SGTA: variants seen among roughly 807,000 people sequenced by gnomAD.
SGTA encodes small glutamine-rich tetratricopeptide repeat-containing protein alpha.
A neutral mutation model predicts 44.3 loss-of-function variants in SGTA; 22 were observed. The ratio of observed to expected loss-of-function variants is 0.50; its 90% CI spans 0.36 to 0.71. The LOEUF is 0.71. SGTA is among the 30% of genes least tolerant of loss of function. The probability of loss-of-function intolerance (pLI) is 0.00; values close to 1 mark genes in which losing one functional copy is unlikely to be tolerated. For synonymous variants in SGTA, 174 were observed against 177.6 expected, an observed-to-expected ratio of 0.98 and a Z score of 0.16; for missense variants, 341 against 435.9, an observed-to-expected ratio of 0.78 and a Z score of 1.94.
chr19:2,760,517 CA>C (rs58836148), intron 8 of SGTA, among the ~76,000 whole-genome samples: 4,115 of 51,602 alleles, frequency 0.08, 36 homozygotes, highest in African/African-American at 0.12. Context: ...GACTCCATCT[CA>C]AAAAAAAAAA....
At chr19:2,762,686 G>A in intron 6 of SGTA, 42 bp from the exon 7 acceptor site, 1 of 1,607,338 alleles carries the variant, frequency 6.2e-7, no homozygotes, top group Non-Finnish European at 8.5e-7. Flanking sequence ...CATCTGCCCA[G>A]CTCCAGGAGG....
At chr19:2,776,790 T>C (rs1915454177) in intron 1 of SGTA, among the ~76,000 whole-genome samples, 1 of 150,546 alleles carries the variant, frequency 6.6e-6, no homozygotes, top group Admixed American at 6.6e-5. Flanking sequence ...TGAAACCCCA[T>C]CTCTACTAAA....
chr19:2,769,408 C>T (rs1180377335), intron 1 of SGTA, among the ~76,000 whole-genome samples: 1 of 152,166 alleles, frequency 6.6e-6, no homozygotes, highest in East Asian at 1.9e-4. Context: ...GAGGTCCCCT[C>T]CGCCCCTGCT....
intron 1 of SGTA, among the ~76,000 whole-genome samples, chr19:2,780,624 A>G (rs746638083): frequency 2.6e-5 from 4 of 152,120 alleles, no homozygotes; most frequent in Non-Finnish European, 4.4e-5. Context: ...CATCTCTTAC[A>G]AGGCTTTCTA....
chr19:2,774,060 C>A (rs758797359), intron 1 of SGTA, among the ~76,000 whole-genome samples: 1 of 152,180 alleles, frequency 6.6e-6, no homozygotes, highest in African/African-American at 2.4e-5. Context: ...GAACGAGCCC[C>A]GACAGAACCT....
At position 2,757,798 on chromosome 19, in the gene SGTA, C is replaced by T. The variant is rs1245325070; in HGVS notation, c.738-16G>A. The T allele has an allele frequency of 1.9e-6, 3 of 1,543,322 alleles. No individual in the cohort carries two copies. Among genetic ancestry groups the T allele is most frequent in the Admixed American group, 2.0e-5 (1 of 49,754 alleles). ...GCCGGACATGCTGCAGGAGAGAGCGCGTGACTCGCAGCCGGGACAGCCTGA... is the reference window on the plus strand; with the variant it reads ...GCCGGACATGCTGCAGGAGAGAGCGTGTGACTCGCAGCCGGGACAGCCTGA... On this transcript the variant is annotated splice_polypyrimidine_tract_variant and intron_variant, in intron 9 of 11. Coordinates refer to ENST00000221566, the MANE Select transcript of SGTA (RefSeq NM_003021.4).
At chr19:2,779,316 A>G (rs771719704) in intron 1 of SGTA, among the ~76,000 whole-genome samples, 5 of 152,108 alleles carry the variant, frequency 3.3e-5, no homozygotes, top group Admixed American at 6.5e-5. Flanking sequence ...CCAGCATGTG[A>G]CACAGGCCAG....
At chr19:2,773,685 C>G (rs574713181) in intron 1 of SGTA, among the ~76,000 whole-genome samples, 2 of 38,092 alleles carry the variant, frequency 5.3e-5, no homozygotes, top group East Asian at 2.0e-3. Flanking sequence ...CGCGGCCACA[C>G]GGCAGGGACA....
intron 7 of SGTA, among the ~76,000 whole-genome samples, chr19:2,762,304 C>T (rs1225315434): frequency 1.3e-5 from 2 of 152,230 alleles, no homozygotes; most frequent in Non-Finnish European, 2.9e-5. Context: ...TGCGGCCGGC[C>T]TCCTGCTTCC....
intron 1 of SGTA, among the ~76,000 whole-genome samples, chr19:2,779,732 C>T (rs984279843): frequency 5.3e-5 from 8 of 152,198 alleles, no homozygotes; most frequent in Admixed American, 4.6e-4. Flanking sequence ...CCGATGACTC[C>T]ACATCCCACC....
Position 2,761,334 on chromosome 19 carries a change from G to A in SGTA, c.699+126C>T, listed in dbSNP as rs766387946. The A allele has an allele frequency of 9.1e-5, 82 of 897,568 alleles. No homozygotes were observed. Among genetic ancestry groups the A allele is most frequent in the Non-Finnish European group, 1.2e-4 (70 of 571,058 alleles). 55.6% of individuals were successfully genotyped at this position (897,568 alleles called of 1,614,324 possible). On this transcript the variant is annotated intron_variant, in intron 8 of 11. Coordinates refer to ENST00000221566, the MANE Select transcript of SGTA (RefSeq NM_003021.4). This position sits in a 1 kb window ranked among gnomAD's most constrained non-coding sequence, Gnocchi z 5.7. Reference sequence around the variant, plus strand: ...GTGCCCAGGACGACCCCACAGACAAGACCCATCTGGTTCCAGAAGCCAGCA... The same window carrying A: ...GTGCCCAGGACGACCCCACAGACAAAACCCATCTGGTTCCAGAAGCCAGCA...
intron 1 of SGTA, 45 bp from the exon 2 acceptor site, chr19:2,769,136 C>T (rs1915230947): frequency 1.7e-6 from 2 of 1,207,656 alleles, no homozygotes; most frequent in East Asian, 4.7e-5. Context: ...TCACACTCCC[C>T]ACTCCAGGCA....
chr19:2,757,341 C>T lies in SGTA; in HGVS notation c.*2G>A, dbSNP rs776930315. The T allele has an allele frequency of 3.1e-6, 5 of 1,601,250 alleles. No homozygotes were observed. The highest frequency in any genetic ancestry group is 1.1e-5 in the South Asian group (1 of 91,040). On this transcript the variant is annotated 3_prime_UTR_variant, in exon 11 of 12. Coordinates refer to ENST00000221566, the MANE Select transcript of SGTA (RefSeq NM_003021.4). ...CCCCCGGCCCCATGCACTCACGCAG[C>T]GTCACTCCTGCTGGTCGTCGTTGCT...
chr19:2,762,506 G>A lies in SGTA; in HGVS notation c.636C>T (p.Pro212=), dbSNP rs147715180. Residue 212 remains proline (P), a splice_region_variant and synonymous_variant, in exon 7 of 12, where the codon CCC becomes CCT. Coordinates refer to ENST00000221566, the MANE Select transcript of SGTA (RefSeq NM_003021.4). ...AELKLREAPS[P]TGGVGSFDIA... ...AGCCACTCGCCCCCGCTGCACTCAC[G>A]GGGCTGGGGGCCTCCCGCAGCTTCA... The A allele has an allele frequency of 5.7e-5, 92 of 1,613,620 alleles. No homozygotes were observed. The highest frequency in any genetic ancestry group is 2.0e-4 in the African/African-American group (15 of 74,916).
chr19:2,769,010 C>T lies in SGTA; in HGVS notation c.59G>A (p.Arg20Gln), dbSNP rs147785576. ...AGCATCGGACGAGAGGCCCCCGTGC[C>T]GGAGCTGGTCATGCAGGAACTGGAT... ...AIIQFLHDQLRHGGLSSDAQE... is the reference protein window; with the variant it reads ...AIIQFLHDQLQHGGLSSDAQE... The change falls in exon 2 of 12, where the codon CGG becomes CAG. Residue 20 changes from arginine (R) to glutamine (Q), a missense_variant. Physicochemically the swap from Arg to Gln is conservative, Grantham distance 43. Coordinates refer to ENST00000221566, the MANE Select transcript of SGTA (RefSeq NM_003021.4). 17 of 1,613,870 alleles carry T rather than the reference C, an allele frequency of 1.1e-5. No individual in the cohort carries two copies. Among genetic ancestry groups the T allele is most frequent in the Admixed American group, 1.7e-5 (1 of 60,002 alleles).
chr19:2,778,488 T>TG (rs1451171391), intron 1 of SGTA, among the ~76,000 whole-genome samples: 1 of 145,810 alleles, frequency 6.9e-6, no homozygotes, highest in East Asian at 2.5e-4. Flanking sequence ...CTTTCCCTCC[T>TG]GGAACACCGC....
At chr19:2,780,250 A>C (rs1915541757) in intron 1 of SGTA, among the ~76,000 whole-genome samples, 1 of 151,964 alleles carries the variant, frequency 6.6e-6, no homozygotes, top group Non-Finnish European at 1.5e-5. Context: ...TTCTGTGAAC[A>C]CTCTGCCCAA....
rs557913916 is a variant in SGTA at position 2,755,678 on chromosome 19, G to C, written c.*262C>G. ...AAACACTCAAGTGACCGAGCTTTCT[G>C]GGGGCTGGAAGGGAGGTCGCTGCTG... On this transcript the variant is annotated 3_prime_UTR_variant, in exon 12 of 12. Transcript: ENST00000221566. This position sits in a 1 kb window ranked among gnomAD's most constrained non-coding sequence, Gnocchi z 5.2. The C allele has an allele frequency of 1.7e-5, 17 of 985,564 alleles. No homozygotes were observed. The East Asian group carries it at 4.5e-4, about 26-fold the overall frequency. 61.1% of individuals were successfully genotyped at this position (985,564 alleles called of 1,614,324 possible).
intron 9 of SGTA, 116 bp from the exon 10 acceptor site, chr19:2,757,898 A>G: frequency 1.5e-6 from 1 of 663,436 alleles, no homozygotes; most frequent in Non-Finnish European, 2.4e-6. Flanking sequence ...CCCCTGCAGG[A>G]GAGGATTCTC....
Sources: gnomAD v4.1 joint callset for allele counts (sites outside exome capture counted in the v4.1 genomes callset) on GRCh38, gnomAD v4.1.1 for gene constraint, Gnocchi (gnomAD v3.1) non-coding constraint, MANE v1.5 for transcripts, NCBI Gene and HGNC (gene_info 2026-07-23, HGNC 2026-07-21) for gene names.